The following MAGI2 variants were observed in gnomAD, a reference collection of about 807,000 sequenced individuals.
MAGI2 encodes membrane-associated guanylate kinase, WW and PDZ domain-containing protein 2.
Under a neutral mutation model 133.3 loss-of-function variants are expected in MAGI2, and 35 were observed. That is an observed-to-expected ratio of 0.26 (90% CI 0.20 to 0.35). The LOEUF (loss-of-function observed/expected upper bound fraction) is 0.35. Among genes scored for constraint, MAGI2 ranks in the 10% least tolerant of loss-of-function variants. The pLI is 1.00. For missense variants in MAGI2, 1,636 were observed against 1,863.4 expected (o/e 0.88, Z 2.25); for synonymous variants, 729 against 710.6 (o/e 1.03, Z -0.41).
chr7:79,380,959 G>A (rs1476023199), intron 1 of MAGI2, among the ~76,000 whole-genome samples: 1 of 151,694 alleles, frequency 6.6e-6, no homozygotes, highest in Non-Finnish European at 1.5e-5. Flanking sequence ...TGGTAACAAT[G>A]GGCTACTCTC....
At chr7:79,043,229 A>G (rs2116923015) in intron 1 of MAGI2, among the ~76,000 whole-genome samples, 1 of 152,134 alleles carries the variant, frequency 6.6e-6, no homozygotes, top group East Asian at 1.9e-4. Flanking sequence ...AAATAACCAA[A>G]GTCAGAGCTG....
chr7:78,847,807 T>C (rs1214714358), intron 2 of MAGI2, among the ~76,000 whole-genome samples: 1 of 151,930 alleles, frequency 6.6e-6, no homozygotes, highest in Non-Finnish European at 1.5e-5. Context: ...TTTATTTATT[T>C]GTTTGTTTGT....
intron 1 of MAGI2, among the ~76,000 whole-genome samples, chr7:79,419,613 T>A (rs1026354991): frequency 6.6e-6 from 1 of 152,036 alleles, no homozygotes; most frequent in Non-Finnish European, 1.5e-5. Flanking sequence ...TGTTTATGCA[T>A]CTATGATTTA....
At chr7:79,342,014 T>C (rs1055893041) in intron 1 of MAGI2, among the ~76,000 whole-genome samples, 1 of 152,202 alleles carries the variant, frequency 6.6e-6, no homozygotes, top group Admixed American at 6.5e-5. Context: ...CTAACTTTTC[T>C]TGAACTTGTC....
intron 1 of MAGI2, among the ~76,000 whole-genome samples, chr7:79,391,550 TATATATATATATAC>T (rs1844650534): frequency 8.5e-5 from 6 of 70,476 alleles, no homozygotes; most frequent in South Asian, 5.7e-4. Flanking sequence ...CATATATATA[TATATATATATATAC>T]ACACTTTACT....
At chr7:78,255,890 T>G (rs1268350035) in intron 10 of MAGI2, 53 bp downstream of exon 10, 1 of 1,525,424 alleles carries the variant, frequency 6.6e-7, no homozygotes, top group Non-Finnish European at 9.0e-7. Context: ...TATTATTAAA[T>G]GATCCTACTA....
At chr7:78,336,687 T>C (rs1789800298) in intron 9 of MAGI2, among the ~76,000 whole-genome samples, 1 of 151,596 alleles carries the variant, frequency 6.6e-6, no homozygotes, top group African/African-American at 2.4e-5. Context: ...ATTGTGCCAC[T>C]ACACTCCAGC....
At position 78,609,575 on chromosome 7, in the gene MAGI2, G is replaced by A. The variant is rs144636575; in HGVS notation, c.538+17545C>T. 5.8e-3 allele frequency among the ~76,000 whole-genome samples: 879 copies of A among 152,214 alleles called. 5 individuals are homozygous for A. Among genetic ancestry groups the A allele is most frequent in the South Asian group, 0.02 (95 of 4,822 alleles). On this transcript the variant is annotated intron_variant, in intron 3 of 21. Coordinates refer to ENST00000354212, the MANE Select transcript of MAGI2 (RefSeq NM_012301.4). The stretch of plus-strand genomic sequence containing the variant: ...AAAAGGAGGAGGAAATACTCATGAC[G>A]GTTACAGTCCTTGGTTCTGCAGCTG...
chr7:79,405,995 T>C (rs958115386), intron 1 of MAGI2, among the ~76,000 whole-genome samples: 3 of 151,074 alleles, frequency 2.0e-5, no homozygotes, highest in African/African-American at 2.4e-5. Context: ...CACCAAATCA[T>C]GTTGAGGATA....
intron 2 of MAGI2, among the ~76,000 whole-genome samples, chr7:78,687,387 A>C (rs544627185): frequency 6.6e-6 from 1 of 152,324 alleles, no homozygotes; most frequent in South Asian, 2.1e-4. Flanking sequence ...CATGTGTGAA[A>C]TGTTGTTACA....
intron 6 of MAGI2, among the ~76,000 whole-genome samples, chr7:78,469,891 A>G (rs1471927467): frequency 1.3e-5 from 2 of 152,132 alleles, no homozygotes; most frequent in Non-Finnish European, 1.5e-5. Context: ...TTTTGCGTGC[A>G]TGTTTTTCTT....
chr7:78,815,493 A>G (rs1789486273), intron 2 of MAGI2, among the ~76,000 whole-genome samples: 1 of 151,958 alleles, frequency 6.6e-6, no homozygotes, highest in African/African-American at 2.4e-5. Context: ...ATTTCATTGC[A>G]CTTTGCTTAT....
At chr7:78,954,833 C>T (rs1802161434) in intron 2 of MAGI2, among the ~76,000 whole-genome samples, 1 of 151,826 alleles carries the variant, frequency 6.6e-6, no homozygotes, top group Non-Finnish European at 1.5e-5. Flanking sequence ...TGATTTTATT[C>T]TTGTAGGTTT....
intron 2 of MAGI2, among the ~76,000 whole-genome samples, chr7:78,945,856 T>A (rs1362405905): frequency 2.5e-4 from 38 of 152,190 alleles, no homozygotes; most frequent in Admixed American, 2.5e-3. Flanking sequence ...TAAATTTGAC[T>A]TCATCTTCGG....
At chr7:78,209,348 G>C (rs551488507) in intron 10 of MAGI2, among the ~76,000 whole-genome samples, 6 of 137,524 alleles carry the variant, frequency 4.4e-5, no homozygotes, top group African/African-American at 1.4e-4. Context: ...TGCAAGCTCC[G>C]CCTTACGGGT....
chr7:78,426,430 G>A (rs1207434042), intron 6 of MAGI2, among the ~76,000 whole-genome samples: 1 of 151,998 alleles, frequency 6.6e-6, no homozygotes, highest in African/African-American at 2.4e-5. Context: ...CACAGGAAGG[G>A]GAACATCACA....
intron 1 of MAGI2, among the ~76,000 whole-genome samples, chr7:79,349,606 T>A (rs1841560378): frequency 6.6e-6 from 1 of 151,896 alleles, no homozygotes; most frequent in East Asian, 1.9e-4. Flanking sequence ...TTGGTCAAGG[T>A]CCCATGGCTT....
chr7:78,857,806 T>C lies in MAGI2; in HGVS notation c.418+149284A>G, dbSNP rs907737917. ...GAGGATTCCCTCTTTTCCTATTGAT[T>C]AGAATAGTTTCAGAAGGAATGGTAC... is the stretch of plus-strand genomic sequence containing the variant. On this transcript the variant is annotated intron_variant, in intron 2 of 21. Coordinates refer to ENST00000354212, the MANE Select transcript of MAGI2 (RefSeq NM_012301.4). Among the ~76,000 whole-genome samples the C allele has an allele frequency of 2.6e-5, 4 of 152,356 alleles. No homozygotes were observed. The East Asian group carries it at 7.7e-4, about 29-fold the overall frequency.
At chr7:78,109,673 C>A (rs1022749773) in intron 20 of MAGI2, among the ~76,000 whole-genome samples, 1 of 152,096 alleles carries the variant, frequency 6.6e-6, no homozygotes, top group African/African-American at 2.4e-5. Flanking sequence ...CTAGTTAGAT[C>A]TTATCCTGCA....
Sources: allele counts gnomAD v4.1 joint callset (sites outside exome capture counted in the v4.1 genomes callset), GRCh38; gene constraint gnomAD v4.1.1; transcripts MANE v1.5; gene names NCBI Gene and HGNC (gene_info 2026-07-23, HGNC 2026-07-21).